The following PRKCB variants were observed in gnomAD, a reference collection of about 807,000 sequenced individuals.
PRKCB encodes the protein protein kinase C beta type.
In PRKCB, 13 loss-of-function variants were observed where a neutral mutation model predicts 81.5. That is an observed-to-expected ratio of 0.16 (90% CI 0.10 to 0.25). The LOEUF is 0.25. Ranked by LOEUF, PRKCB falls within the 10% of genes least tolerant of loss-of-function variation. The probability of loss-of-function intolerance (pLI) is 1.00; values close to 1 mark genes in which losing one functional copy is unlikely to be tolerated. For missense variants in PRKCB, 509 were observed against 875.7 expected (o/e 0.58, Z 5.29); for synonymous variants, 335 against 321.4 (o/e 1.04, Z -0.45).
intron 2 of PRKCB, among the ~76,000 whole-genome samples, chr16:23,891,420 A>T (rs1325368068): frequency 6.6e-6 from 1 of 152,034 alleles, no homozygotes; most frequent in East Asian, 1.9e-4. Context: ...ATGTGTGTGT[A>T]TGTATGTGTG....
intron 15 of PRKCB, among the ~76,000 whole-genome samples, chr16:24,190,469 G>A (rs936144232): frequency 6.7e-6 from 1 of 148,288 alleles, no homozygotes; most frequent in African/African-American, 2.5e-5. Flanking sequence ...AATGGATCAT[G>A]TGGCATTTAT....
chr16:23,994,400 A>G (rs1438342225), intron 3 of PRKCB, among the ~76,000 whole-genome samples: 1 of 152,198 alleles, frequency 6.6e-6, no homozygotes, highest in African/African-American at 2.4e-5. Context: ...TGGTTCTTTG[A>G]CCTGTAGAGT....
At chr16:23,873,668 G>A (rs1962949742) in intron 2 of PRKCB, among the ~76,000 whole-genome samples, 1 of 152,176 alleles carries the variant, frequency 6.6e-6, no homozygotes. Context: ...CCTTCATTGA[G>A]TCAGAAGCCA....
intron 2 of PRKCB, among the ~76,000 whole-genome samples, chr16:23,839,430 T>C (rs6497687): frequency 0.75 from 113,999 of 151,906 alleles, 42,846 homozygotes; most frequent in Admixed American, 0.79. Flanking sequence ...CGCACCACCA[T>C]GCCTGGCTAA....
intron 2 of PRKCB, among the ~76,000 whole-genome samples, chr16:23,967,642 C>G (rs1213573892): frequency 1.3e-5 from 2 of 151,226 alleles, no homozygotes; most frequent in Non-Finnish European, 2.9e-5. Flanking sequence ...TCTTTCTTTC[C>G]TCTTTTTTGT....
At chr16:24,060,956 T>A (rs909020664) in intron 5 of PRKCB, among the ~76,000 whole-genome samples, 6 of 152,250 alleles carry the variant, frequency 3.9e-5, no homozygotes, top group African/African-American at 1.4e-4. Flanking sequence ...GTTTAATGTT[T>A]GTATCTTTTC....
chr16:24,154,305 T>C (rs1488451000), intron 9 of PRKCB, among the ~76,000 whole-genome samples: 1 of 152,044 alleles, frequency 6.6e-6, no homozygotes, highest in Non-Finnish European at 1.5e-5. Flanking sequence ...AGTGAGACCT[T>C]GTCTCTACAA....
At chr16:23,945,517 G>C (rs1964194578) in intron 2 of PRKCB, among the ~76,000 whole-genome samples, 1 of 152,166 alleles carries the variant, frequency 6.6e-6, no homozygotes, top group Non-Finnish European at 1.5e-5. Context: ...GGCCCAATAA[G>C]TACTGGCTGA....
intron 2 of PRKCB, among the ~76,000 whole-genome samples, chr16:23,847,455 TCC>T: frequency 6.7e-6 from 1 of 148,328 alleles, no homozygotes; most frequent in Non-Finnish European, 1.5e-5. Flanking sequence ...CATCCATCCA[TCC>T]ATCCATCCAT....
chr16:24,110,380 T>G (rs1966660394), intron 7 of PRKCB, among the ~76,000 whole-genome samples: 1 of 151,510 alleles, frequency 6.6e-6, no homozygotes, highest in Non-Finnish European at 1.5e-5. Flanking sequence ...CCCACCTAAT[T>G]TTTTTGTGGT....
At position 23,901,369 on chromosome 16, in the gene PRKCB, C is replaced by G. The variant is rs1008900798; in HGVS notation, c.205+63963C>G. ...AAAAAAATCGTTAACTCAACGGGGGCGCCTGCTGCTTGATTGGGAGTATGT... is the reference window on the plus strand; with the variant it reads ...AAAAAAATCGTTAACTCAACGGGGGGGCCTGCTGCTTGATTGGGAGTATGT... On this transcript the variant is annotated intron_variant, in intron 2 of 16. Transcript: ENST00000643927. Among the ~76,000 whole-genome samples, 6 of 152,130 alleles carry G rather than the reference C, an allele frequency of 3.9e-5. No individual in the cohort carries two copies. In the East Asian group the frequency reaches 9.7e-4, roughly 25 times the overall value.
intron 2 of PRKCB, among the ~76,000 whole-genome samples, chr16:23,908,283 TGAA>T (rs1963594166): frequency 6.6e-6 from 1 of 152,026 alleles, no homozygotes; most frequent in Admixed American, 6.6e-5. Flanking sequence ...AGGAGTGATT[TGAA>T]GAAGGAGGTC....
At chr16:24,029,759 C>G (rs1965527877) in intron 3 of PRKCB, among the ~76,000 whole-genome samples, 2 of 152,178 alleles carry the variant, frequency 1.3e-5, no homozygotes, top group Admixed American at 1.3e-4. Flanking sequence ...AAGGAGGCAT[C>G]TGTGGCAGCA....
At position 24,013,872 on chromosome 16, in the gene PRKCB, T is replaced by C. The variant is rs969479693; in HGVS notation, c.289-18264T>C. ...CCCTTGTCTATGCGGGCCTGCTGGT[T>C]CAGGGTCATTGTTTCTAGCGGTCAT... On this transcript the variant is annotated intron_variant, in intron 3 of 16. Transcript: ENST00000643927. Among the ~76,000 whole-genome samples the C allele has an allele frequency of 2.6e-5, 4 of 151,734 alleles. 1 individual carries two copies. The South Asian group carries it at 8.3e-4, about 32-fold the overall frequency.
chr16:24,212,633 T>C (rs1350730458), intron 16 of PRKCB, among the ~76,000 whole-genome samples: 1 of 151,638 alleles, frequency 6.6e-6, no homozygotes, highest in Non-Finnish European at 1.5e-5. Flanking sequence ...TGCACCACCA[T>C]GCCCAGCTAA....
chr16:23,925,365 C>T (rs901102428), intron 2 of PRKCB, among the ~76,000 whole-genome samples: 3 of 152,066 alleles, frequency 2.0e-5, no homozygotes, highest in Non-Finnish European at 4.4e-5. Context: ...CTCTTTCAGA[C>T]CTGACTGGTC....
At chr16:23,848,764 G>GT (rs1223293911) in intron 2 of PRKCB, among the ~76,000 whole-genome samples, 3 of 152,144 alleles carry the variant, frequency 2.0e-5, no homozygotes, top group Non-Finnish European at 2.9e-5. Flanking sequence ...TCGAGCTTCT[G>GT]TTTTTTCATA....
rs1421694187 is a variant in PRKCB at position 23,899,622 on chromosome 16, CTCTCTCTCTCTCTCTCTCTCTCTG to C, written c.205+62218_205+62241del. 6.4e-5 allele frequency among the ~76,000 whole-genome samples: 2 copies of C among 31,236 alleles called. 1 individual carries two copies. Among genetic ancestry groups the C allele is most frequent in the African/African-American group, 1.2e-4 (2 of 16,182 alleles). The allele number at this position is 31,236 out of a possible 152,430, so 20.5% of individuals were successfully genotyped here. A position where few individuals can be genotyped will look rare whatever the true frequency, so the allele number is the denominator to read the frequency against. ...ATAAGAACTCTCTCTCTCTCTCTCTCTCTCTCTCTCTCTCTCTCTCTCTGTGTGTGTGTGTGTGTGTGTGTGGTT... is the reference window on the plus strand; with the variant it reads ...ATAAGAACTCTCTCTCTCTCTCTCTCTGTGTGTGTGTGTGTGTGTGTGGTT... On this transcript the variant is annotated intron_variant, in intron 2 of 16. Coordinates refer to ENST00000643927, the MANE Select transcript of PRKCB (RefSeq NM_002738.7).
chr16:23,861,497 C>T (rs192455525), intron 2 of PRKCB, among the ~76,000 whole-genome samples: 5 of 152,232 alleles, frequency 3.3e-5, no homozygotes, highest in East Asian at 1.9e-4. Flanking sequence ...GAATATCTGG[C>T]GAGCCTAACA....
Sources: allele counts gnomAD v4.1 joint callset (sites outside exome capture counted in the v4.1 genomes callset), GRCh38; gene constraint gnomAD v4.1.1; transcripts MANE v1.5; gene names NCBI Gene and HGNC (gene_info 2026-07-23, HGNC 2026-07-21).